Variants in DNAJA2 observed in about 807,000 individuals in gnomAD.
DNAJA2 encodes dnaJ homolog subfamily A member 2.
A neutral mutation model predicts 49.3 loss-of-function variants in DNAJA2; 6 were observed. The observed-to-expected ratio is 0.12, with a 90% CI of 0.07 to 0.24. The LOEUF is 0.24. Ranked by LOEUF, DNAJA2 falls within the 10% of genes least tolerant of loss-of-function variation. The pLI, the probability that DNAJA2 is intolerant of heterozygous loss-of-function variation, is 1.00. For synonymous variants in DNAJA2, 160 were observed against 172.7 expected, an observed-to-expected ratio of 0.93 and a Z score of 0.58; for missense variants, 347 against 516.8, an observed-to-expected ratio of 0.67 and a Z score of 3.19.
rs990296950 is a variant in DNAJA2, at chr16:46,965,271, C to T, written c.578-464G>A. On this transcript the variant is annotated intron_variant, in intron 5 of 8. Transcript: ENST00000317089. ...AAAACTTACATCTTACTACTGCAGA[C>T]TGCCTGAAGGACTCAGCTTCCCACT... 8.5e-5 allele frequency among the ~76,000 whole-genome samples: 13 copies of T among 152,292 alleles called. No homozygotes were observed. The South Asian group carries it at 2.7e-3, about 32-fold the overall frequency.
chr16:46,962,448 A>G (rs1196659563), intron 6 of DNAJA2, among the ~76,000 whole-genome samples: 1 of 152,194 alleles, frequency 6.6e-6, no homozygotes, highest in African/African-American at 2.4e-5. Flanking sequence ...CTGCACTGCC[A>G]GACATCATTT....
At position 46,956,885 on chromosome 16, in the gene DNAJA2, T is replaced by C; in HGVS notation, c.*144A>G. ...TAGTTTAAATTATACACTCTGTAGA[T>C]ACTATACCAATTTTAAAAGTTATAC... On this transcript the variant is annotated 3_prime_UTR_variant, in exon 9 of 9. Coordinates refer to ENST00000317089, the MANE Select transcript of DNAJA2 (RefSeq NM_005880.4). 3 of 843,812 alleles carry C rather than the reference T, an allele frequency of 3.6e-6. No homozygotes were observed. The highest frequency in any genetic ancestry group is 3.9e-6 in the Non-Finnish European group (2 of 515,768). 52.3% of individuals were successfully genotyped at this position (843,812 alleles called of 1,614,324 possible).
chr16:46,969,849 G>A (rs1183491916), intron 3 of DNAJA2, among the ~76,000 whole-genome samples: 1 of 152,058 alleles, frequency 6.6e-6, no homozygotes, highest in Non-Finnish European at 1.5e-5. Flanking sequence ...TTTTAAACAT[G>A]AAGAACTATA....
chr16:46,955,748 AGT>A lies in DNAJA2; in HGVS notation c.*1279_*1280del, dbSNP rs988593151. ...CATCTGATGTCTCTTTCCTCAAATA[AGT>A]GTGTTCTAAAAATACCTACTGAGTG... On this transcript the variant is annotated 3_prime_UTR_variant, in exon 9 of 9. Coordinates refer to ENST00000317089, the MANE Select transcript of DNAJA2 (RefSeq NM_005880.4). The A allele has an allele frequency of 6.6e-5, 10 of 152,092 alleles. No homozygotes were observed. The highest frequency in any genetic ancestry group is 1.2e-4 in the Non-Finnish European group (8 of 67,952). The allele number at this position is 152,092 out of a possible 1,614,324, so 9.4% of individuals were successfully genotyped here. A position where few individuals can be genotyped will look rare whatever the true frequency, so the allele number is the denominator to read the frequency against.
At chr16:46,958,122 C>A (rs1466199615) in intron 8 of DNAJA2, among the ~76,000 whole-genome samples, 1 of 151,944 alleles carries the variant, frequency 6.6e-6, no homozygotes, top group African/African-American at 2.4e-5. Flanking sequence ...TGCTTGAGAC[C>A]AGTCTGGACA....
At chr16:46,958,187 AC>A (rs1399043286) in intron 8 of DNAJA2, among the ~76,000 whole-genome samples, 2 of 152,118 alleles carry the variant, frequency 1.3e-5, no homozygotes, top group East Asian at 3.9e-4. Context: ...GTGTGGTGGT[AC>A]ACACCCGTAG....
At chr16:46,968,304 A>G (rs552454245) in intron 3 of DNAJA2, 140 bp from the exon 4 acceptor site, 2 of 582,030 alleles carry the variant, frequency 3.4e-6, no homozygotes, top group Admixed American at 7.1e-5. Flanking sequence ...ACATTAAATC[A>G]ATTAAACTGA....
intron 6 of DNAJA2, among the ~76,000 whole-genome samples, chr16:46,962,791 A>G (rs1429708882): frequency 6.6e-6 from 1 of 152,234 alleles, no homozygotes; most frequent in East Asian, 1.9e-4. Context: ...AAAAGCCAAA[A>G]TACATAATTT....
Position 46,971,936 on chromosome 16 carries a change from T to C in DNAJA2, c.98A>G (p.Lys33Arg), listed in dbSNP as rs1219927557. The C allele has an allele frequency of 1.2e-6, 2 of 1,612,726 alleles. No individual in the cohort carries two copies. The highest frequency in any genetic ancestry group is 1.7e-6 in the Non-Finnish European group (2 of 1,179,078). The change falls in exon 2 of 9, where the codon AAG becomes AGG. Residue 33 changes from lysine (K) to arginine (R), a missense_variant. Coordinates refer to ENST00000317089, the MANE Select transcript of DNAJA2 (RefSeq NM_005880.4). Reference sequence around the variant, plus strand: ...TGGATTCTTATCAGGATGATATTCCTTGGCTAACTTTCTGTATGCCTTTGA... The same window carrying C: ...TGGATTCTTATCAGGATGATATTCCCTGGCTAACTTTCTGTATGCCTTTGA... ...ELKKAYRKLA[K>R]EYHPDKNPNA...
rs1223414716 is a variant in DNAJA2 at position 46,955,987 on chromosome 16, C to T, written c.*1042G>A. Reference sequence around the variant, plus strand: ...CATTACAGAAACTCAAAATAATAATCAATGGCTTCTCCAATTCCAAATATT... The same window carrying T: ...CATTACAGAAACTCAAAATAATAATTAATGGCTTCTCCAATTCCAAATATT... On this transcript the variant is annotated 3_prime_UTR_variant, in exon 9 of 9. Coordinates refer to ENST00000317089, the MANE Select transcript of DNAJA2 (RefSeq NM_005880.4). 6.6e-6 allele frequency: 1 copy of T among 152,170 alleles called. No individual in the cohort carries two copies. The highest frequency in any genetic ancestry group is 2.4e-5 in the African/African-American group (1 of 41,442). The allele number at this position is 152,170 out of a possible 1,614,324, so 9.4% of individuals were successfully genotyped here.
chr16:46,972,860 G>A (rs1962074355), intron 1 of DNAJA2: 1 of 152,238 alleles, frequency 6.6e-6, no homozygotes, highest in African/African-American at 2.4e-5. Context: ...GCAGGTACAG[G>A]ACATTAGCAT....
rs934873064 is a variant in DNAJA2, at chr16:46,958,194, C to T, written c.1047+809G>A. On this transcript the variant is annotated intron_variant, in intron 8 of 8. Transcript: ENST00000317089. ...TTAGCCAGGTGTGGTGGTACACACC[C>T]GTAGCAAGCCATGATCATGCCACTG... Among the ~76,000 whole-genome samples the T allele has an allele frequency of 1.3e-4, 19 of 151,948 alleles. No individual in the cohort carries two copies. In the East Asian group the frequency reaches 2.3e-3, roughly 19 times the overall value.
chr16:46,968,746 G>A (rs1962007869), intron 3 of DNAJA2, among the ~76,000 whole-genome samples: 1 of 152,138 alleles, frequency 6.6e-6, no homozygotes, highest in Admixed American at 6.5e-5. Flanking sequence ...ACAGAAAGGA[G>A]GGATAGAATA....
At position 46,973,631 on chromosome 16, in the gene DNAJA2, GC is replaced by G; in HGVS notation, c.-60del. ...GGCGAAGCAGACAGAGCGGAGTCGG[GC>G]CCACAAGCGGCGTCGGCGGCGGCAC... On this transcript the variant is annotated 5_prime_UTR_variant, in exon 1 of 9. Coordinates refer to ENST00000317089, the MANE Select transcript of DNAJA2 (RefSeq NM_005880.4). 1 of 1,544,092 alleles carries G rather than the reference GC, an allele frequency of 6.5e-7. No individual in the cohort carries two copies.
intron 4 of DNAJA2, among the ~76,000 whole-genome samples, 200 bp from the exon 5 acceptor site, chr16:46,967,846 C>T (rs1350373409): frequency 6.6e-6 from 1 of 152,154 alleles, no homozygotes; most frequent in Non-Finnish European, 1.5e-5. Context: ...GTCACCCAGG[C>T]TGGAGTGCAG....
rs775955552 is a variant in DNAJA2 at position 46,957,022 on chromosome 16, G to C, written c.*7C>G. The C allele has an allele frequency of 6.2e-7, 1 of 1,614,114 alleles. No individual in the cohort carries two copies. Among genetic ancestry groups the C allele is most frequent in the Non-Finnish European group, 8.5e-7 (1 of 1,179,980 alleles). ...GAAAATCCACCTGTGCAATTTGTTTGCAGAGTTTACTGATGGGCACACTGC... is the reference window on the plus strand; with the variant it reads ...GAAAATCCACCTGTGCAATTTGTTTCCAGAGTTTACTGATGGGCACACTGC... On this transcript the variant is annotated 3_prime_UTR_variant, in exon 9 of 9. Coordinates refer to ENST00000317089, the MANE Select transcript of DNAJA2 (RefSeq NM_005880.4).
At chr16:46,961,057 T>C (rs80354672) in intron 6 of DNAJA2, among the ~76,000 whole-genome samples, 1 of 151,944 alleles carries the variant, frequency 6.6e-6, no homozygotes, top group East Asian at 1.9e-4. Context: ...TACTGTAAAA[T>C]GCCAGTGTTC....
intron 1 of DNAJA2, 146 bp downstream of exon 1, chr16:46,973,349 C>T (rs1361827915): frequency 3.7e-6 from 2 of 534,176 alleles, no homozygotes; most frequent in East Asian, 1.2e-4. Context: ...GAGGCCGGTC[C>T]CGCCGCCGCC....
At chr16:46,964,463 C>T (rs776485544) in intron 6 of DNAJA2, 148 bp downstream of exon 6, 145 of 691,820 alleles carry the variant, frequency 2.1e-4, no homozygotes, top group Middle Eastern at 3.7e-4. Flanking sequence ...CTTACACAAG[C>T]CCGTCTTAGG....
Sources: allele counts gnomAD v4.1 joint callset (sites outside exome capture counted in the v4.1 genomes callset), GRCh38; gene constraint gnomAD v4.1.1; transcripts MANE v1.5; gene names NCBI Gene and HGNC (gene_info 2026-07-23, HGNC 2026-07-21).